The following BCAS3 variants were observed in gnomAD, a reference collection of about 807,000 sequenced individuals.
BCAS3 encodes BCAS4/BCAS3 fusion.
Under a neutral mutation model 116.1 loss-of-function variants are expected in BCAS3, and 53 were observed. The observed-to-expected ratio is 0.46, with a 90% CI of 0.37 to 0.57. BCAS3 has a LOEUF of 0.57. Among genes scored for constraint, BCAS3 ranks in the 20% least tolerant of loss-of-function variants. BCAS3 has a pLI of 0.00. For missense variants in BCAS3, 917 were observed against 1,165.4 expected (o/e 0.79, Z 3.10); for synonymous variants, 391 against 408.2 (o/e 0.96, Z 0.51).
chr17:61,183,808 G>A (rs1380096287), intron 22 of BCAS3, among the ~76,000 whole-genome samples: 2 of 152,236 alleles, frequency 1.3e-5, no homozygotes, highest in Non-Finnish European at 2.9e-5. Flanking sequence ...TGATACAATT[G>A]TTGATAGGCT....
chr17:61,045,038 G>C (rs1035405538), intron 19 of BCAS3, among the ~76,000 whole-genome samples: 1 of 151,988 alleles, frequency 6.6e-6, no homozygotes, highest in Non-Finnish European at 1.5e-5. Flanking sequence ...TGGAATTACA[G>C]GCATGAGCCA....
intron 13 of BCAS3, among the ~76,000 whole-genome samples, chr17:60,935,338 T>G (rs572997380): frequency 3.9e-5 from 6 of 152,300 alleles, no homozygotes; most frequent in Non-Finnish European, 4.4e-5. Context: ...CAAATACAAT[T>G]ATAGTTAATT....
chr17:60,993,374 T>C lies in BCAS3; in HGVS notation c.1486+3139T>C, dbSNP rs2145444551. 6.6e-6 allele frequency among the ~76,000 whole-genome samples: 1 copy of C among 152,308 alleles called. No homozygotes were observed. The highest frequency in any genetic ancestry group is 2.1e-4 in the South Asian group (1 of 4,826). ...CTTTCATGTCTCTCTGCATGTTTTT[T>C]TCAGAAATCTCAAAGAGGAGAATCC... On this transcript the variant is annotated intron_variant, in intron 15 of 23. Transcript: ENST00000407086. The surrounding 1 kb of genome is among the most constrained non-coding windows in gnomAD (Gnocchi z 4.2).
At chr17:60,761,490 A>T (rs1377702038) in intron 6 of BCAS3, among the ~76,000 whole-genome samples, 1 of 152,032 alleles carries the variant, frequency 6.6e-6, no homozygotes, top group Non-Finnish European at 1.5e-5. Context: ...GTTTGCTCAG[A>T]ATGATGGTTT....
chr17:61,135,635 A>G (rs986155536), intron 22 of BCAS3, among the ~76,000 whole-genome samples: 8 of 152,202 alleles, frequency 5.3e-5, no homozygotes, highest in African/African-American at 1.4e-4. Context: ...CCCCCTGTCT[A>G]TATGCAGCCC....
At chr17:60,800,471 T>C (rs1003821940) in intron 6 of BCAS3, among the ~76,000 whole-genome samples, 3 of 152,230 alleles carry the variant, frequency 2.0e-5, no homozygotes, top group African/African-American at 7.2e-5. Flanking sequence ...TGTGAGATTA[T>C]ATATTTGAGA....
intron 22 of BCAS3, among the ~76,000 whole-genome samples, chr17:61,152,471 T>G (rs569714553): frequency 6.6e-6 from 1 of 152,070 alleles, no homozygotes; most frequent in Non-Finnish European, 1.5e-5. Context: ...AAGTCCCCAC[T>G]CGACCCAGGA....
chr17:61,391,898 C>T lies in BCAS3; in HGVS notation c.2594-79C>T. The T allele has an allele frequency of 6.7e-7, 1 of 1,502,136 alleles. No homozygotes were observed. The highest frequency in any genetic ancestry group is 9.0e-7 in the Non-Finnish European group (1 of 1,107,114). The allele number at this position is 1,502,136 out of a possible 1,614,324, so 93.1% of individuals were successfully genotyped here. ...GTGAACCCAGAATGGTGCCTCAAGG[C>T]AGGCAGCCTGGCCCAGATGGTGCCC... is the stretch of plus-strand genomic sequence containing the variant. On this transcript the variant is annotated intron_variant, in intron 23 of 23. Coordinates refer to ENST00000407086, the MANE Select transcript of BCAS3 (RefSeq NM_017679.5). This position sits in a 1 kb window ranked among gnomAD's most constrained non-coding sequence, Gnocchi z 7.7.
At chr17:60,900,622 G>A (rs1399700998) in intron 10 of BCAS3, among the ~76,000 whole-genome samples, 1 of 152,110 alleles carries the variant, frequency 6.6e-6, no homozygotes, top group Non-Finnish European at 1.5e-5. Context: ...TGGAAGAGGT[G>A]AGCATGAAAT....
rs2057551571 is a variant in BCAS3 at position 61,347,195 on chromosome 17, C to T, written c.2426-21132C>T. 6.6e-6 allele frequency among the ~76,000 whole-genome samples: 1 copy of T among 152,200 alleles called. No individual in the cohort carries two copies. Among genetic ancestry groups the T allele is most frequent in the African/African-American group, 2.4e-5 (1 of 41,446 alleles). On this transcript the variant is annotated intron_variant, in intron 22 of 23. Transcript: ENST00000407086. This position sits in a 1 kb window ranked among gnomAD's most constrained non-coding sequence, Gnocchi z 4.3. ...GTTCAAGCGATTCTCCTGCCTCCCGCCTCAGCCTCCCGAGTAGCTGGGATT... is the reference window on the plus strand; with the variant it reads ...GTTCAAGCGATTCTCCTGCCTCCCGTCTCAGCCTCCCGAGTAGCTGGGATT...
At chr17:60,713,013 T>A (rs2038120295) in intron 5 of BCAS3, among the ~76,000 whole-genome samples, 1 of 152,176 alleles carries the variant, frequency 6.6e-6, no homozygotes, top group African/African-American at 2.4e-5. Context: ...ATCCTGTAAT[T>A]TGAGATTAAT....
In BCAS3 at chr17:61,190,526, CAAAAAAAA is replaced by C. The variant is rs71148387; in HGVS notation, c.2425+105979_2425+105986del. On this transcript the variant is annotated intron_variant, in intron 22 of 23. Coordinates refer to ENST00000407086, the MANE Select transcript of BCAS3 (RefSeq NM_017679.5). ...TGGGCTATGGAACAAGACTCCATCT[CAAAAAAAA>C]AAAAAAAAAAAAAAAAGACTAGCCT... Among the ~76,000 whole-genome samples, 199 of 43,908 alleles carry C rather than the reference CAAAAAAAA, an allele frequency of 4.5e-3. 3 individuals are homozygous for C. The highest frequency in any genetic ancestry group is 0.028 in the Middle Eastern group (1 of 36). 28.8% of individuals were successfully genotyped at this position (43,908 alleles called of 152,430 possible). A position where few individuals can be genotyped will look rare whatever the true frequency, so the allele number is the denominator to read the frequency against.
chr17:61,289,644 A>G (rs929398283), intron 22 of BCAS3, among the ~76,000 whole-genome samples: 4 of 151,776 alleles, frequency 2.6e-5, no homozygotes, highest in Admixed American at 6.6e-5. Flanking sequence ...GTTCTTGCCG[A>G]CTCCACAGGG....
chr17:60,957,259 A>G (rs907465863), intron 14 of BCAS3, among the ~76,000 whole-genome samples: 3 of 152,196 alleles, frequency 2.0e-5, no homozygotes, highest in African/African-American at 7.2e-5. Context: ...CTGTGAAATA[A>G]TATAGTTAGT....
rs2058443467 is a variant in BCAS3, at chr17:61,361,343, G to T, written c.2426-6984G>T. On this transcript the variant is annotated intron_variant, in intron 22 of 23. Coordinates refer to ENST00000407086, the MANE Select transcript of BCAS3 (RefSeq NM_017679.5). This position sits in a 1 kb window ranked among gnomAD's most constrained non-coding sequence, Gnocchi z 6.5. Reference sequence around the variant, plus strand: ...ATGCAATTGCATATTTTGCAGTTGTGAAAATGGTCTCCTTGTCAAAATAAC... The same window carrying T: ...ATGCAATTGCATATTTTGCAGTTGTTAAAATGGTCTCCTTGTCAAAATAAC... Among the ~76,000 whole-genome samples the T allele has an allele frequency of 6.6e-6, 1 of 152,146 alleles. No individual in the cohort carries two copies. The highest frequency in any genetic ancestry group is 2.1e-4 in the South Asian group (1 of 4,832).
chr17:60,989,192 A>AC (rs995552661), intron 14 of BCAS3, among the ~76,000 whole-genome samples: 6 of 152,078 alleles, frequency 3.9e-5, no homozygotes, highest in African/African-American at 1.4e-4. Flanking sequence ...AGTGTAGAAA[A>AC]CTTAAGTATC....
At chr17:61,301,080 T>C (rs971718337) in intron 22 of BCAS3, among the ~76,000 whole-genome samples, 4 of 152,240 alleles carry the variant, frequency 2.6e-5, no homozygotes, top group Non-Finnish European at 5.9e-5. Context: ...TGCTGTACTT[T>C]CAAAGTCAAA....
Position 61,347,234 on chromosome 17 carries a change from A to G in BCAS3, c.2426-21093A>G, listed in dbSNP as rs2057554420. ...GTAGCTGGGATTACAGGCATGCACC[A>G]CCACACCCGGCTGATTTTTATATTT... is the stretch of plus-strand genomic sequence containing the variant. On this transcript the variant is annotated intron_variant, in intron 22 of 23. Coordinates refer to ENST00000407086, the MANE Select transcript of BCAS3 (RefSeq NM_017679.5). This position sits in a 1 kb window ranked among gnomAD's most constrained non-coding sequence, Gnocchi z 4.3. Among the ~76,000 whole-genome samples, 1 of 152,058 alleles carries G rather than the reference A, an allele frequency of 6.6e-6. No homozygotes were observed. The highest frequency in any genetic ancestry group is 1.5e-5 in the Non-Finnish European group (1 of 68,008).
At chr17:61,159,684 T>G (rs1160508208) in intron 22 of BCAS3, among the ~76,000 whole-genome samples, 1 of 152,242 alleles carries the variant, frequency 6.6e-6, no homozygotes, top group Non-Finnish European at 1.5e-5. Context: ...GCAGACCCTT[T>G]GTCTTTTCAC....
Sources: gnomAD v4.1 joint callset for allele counts (sites outside exome capture counted in the v4.1 genomes callset) on GRCh38, gnomAD v4.1.1 for gene constraint, Gnocchi (gnomAD v3.1) non-coding constraint, MANE v1.5 for transcripts, NCBI Gene and HGNC (gene_info 2026-07-23, HGNC 2026-07-21) for gene names.